The following TYW1 variants were observed in gnomAD, a reference collection of about 807,000 sequenced individuals.
The protein encoded by TYW1 is tRNA-yW synthesizing protein 1 homolog, also known as S-adenosyl-L-methionine-dependent tRNA 4-demethylwyosine synthase TYW1.
TYW1 carries 46 observed loss-of-function variants against 96.2 expected under a neutral mutation model. The ratio of observed to expected loss-of-function variants is 0.48; its 90% CI spans 0.38 to 0.61. The LOEUF is 0.61. Ranked by LOEUF, TYW1 falls within the 20% of genes least tolerant of loss-of-function variation. The probability of loss-of-function intolerance (pLI) is 0.00; values close to 1 mark genes in which losing one functional copy is unlikely to be tolerated. For missense variants in TYW1, 684 were observed against 909.6 expected (o/e 0.75, Z 3.19); for synonymous variants, 274 against 323.0 (o/e 0.85, Z 1.63).
chr7:67,210,505 C>T (rs1476365627), intron 15 of TYW1, among the ~76,000 whole-genome samples: 3 of 152,124 alleles, frequency 2.0e-5, no homozygotes, highest in Middle Eastern at 3.2e-3. Context: ...ATCCAAGGGG[C>T]GTAGTGTTAG....
At chr7:67,012,335 G>A (rs942420498) in intron 4 of TYW1, among the ~76,000 whole-genome samples, 9 of 151,892 alleles carry the variant, frequency 5.9e-5, no homozygotes, top group Non-Finnish European at 1.3e-4. Flanking sequence ...GTGACAGAGC[G>A]AGACTCTGTC....
At chr7:67,219,354 A>G (rs1227276537) in intron 15 of TYW1, among the ~76,000 whole-genome samples, 2 of 152,132 alleles carry the variant, frequency 1.3e-5, no homozygotes, top group African/African-American at 4.8e-5. Context: ...GTTTTCTTCC[A>G]GTACGATCTT....
At chr7:67,158,445 A>G (rs1471625552) in intron 13 of TYW1, among the ~76,000 whole-genome samples, 2 of 152,050 alleles carry the variant, frequency 1.3e-5, no homozygotes, top group Admixed American at 6.6e-5. Context: ...TTCATCGTCA[A>G]TTGATATGAT....
chr7:67,147,949 A>C (rs1450871293), intron 13 of TYW1, among the ~76,000 whole-genome samples: 2 of 152,058 alleles, frequency 1.3e-5, no homozygotes, highest in Non-Finnish European at 2.9e-5. Flanking sequence ...AATTTGGAAA[A>C]AAAAAAAGAA....
At chr7:67,046,760 G>A (rs1584498388) in intron 7 of TYW1, among the ~76,000 whole-genome samples, 1 of 152,224 alleles carries the variant, frequency 6.6e-6, no homozygotes, top group Admixed American at 6.5e-5. Flanking sequence ...GGACTGAGCT[G>A]CCTTAGTGGG....
intron 13 of TYW1, among the ~76,000 whole-genome samples, chr7:67,173,075 C>G (rs1799564101): frequency 1.3e-5 from 2 of 152,300 alleles, no homozygotes; most frequent in East Asian, 3.9e-4. Context: ...AATATAAACA[C>G]AATACCATTA....
In TYW1 at chr7:67,186,265, T is replaced by TCC. The variant is rs56401730; in HGVS notation, c.1809+3035_1809+3036dup. On this transcript the variant is annotated intron_variant, in intron 14 of 15. Coordinates refer to ENST00000359626, the MANE Select transcript of TYW1 (RefSeq NM_018264.4). ...CCTTTTTTTCATTTCCTTCCTTTCT[T>TCC]CCCCCCCGCCCCACCTCTCCCCCCT... 1.6e-4 allele frequency among the ~76,000 whole-genome samples: 11 copies of TCC among 68,370 alleles called. 1 individual carries two copies. Among genetic ancestry groups the TCC allele is most frequent in the South Asian group, 5.1e-4 (1 of 1,948 alleles). 44.9% of individuals were successfully genotyped at this position (68,370 alleles called of 152,430 possible).
chr7:67,157,517 A>T (rs13227223), intron 13 of TYW1, among the ~76,000 whole-genome samples: 4 of 152,204 alleles, frequency 2.6e-5, no homozygotes, highest in Non-Finnish European at 4.4e-5. Context: ...AACTCCTGAC[A>T]TCAGGTGATC....
At chr7:67,121,557 C>A (rs1330457027) in intron 13 of TYW1, among the ~76,000 whole-genome samples, 4 of 151,832 alleles carry the variant, frequency 2.6e-5, no homozygotes, top group African/African-American at 9.7e-5. Context: ...AAATATATTA[C>A]AATAAAAAAT....
At position 67,152,553 on chromosome 7, in the gene TYW1, G is replaced by A. The variant is rs568365186; in HGVS notation, c.1699-30573G>A. On this transcript the variant is annotated intron_variant, in intron 13 of 15. Coordinates refer to ENST00000359626, the MANE Select transcript of TYW1 (RefSeq NM_018264.4). ...GTTTGCACACCTAGGTTCTGTTTCC[G>A]TATTTTGAACTCAACGTGCTGCTTA... 5.3e-5 allele frequency among the ~76,000 whole-genome samples: 8 copies of A among 152,094 alleles called. No individual in the cohort carries two copies. In the South Asian group the frequency reaches 8.3e-4, roughly 16 times the overall value.
At chr7:67,215,522 G>A (rs1210006225) in intron 15 of TYW1, among the ~76,000 whole-genome samples, 1 of 152,086 alleles carries the variant, frequency 6.6e-6, no homozygotes, top group African/African-American at 2.4e-5. Flanking sequence ...CTCATTGAGA[G>A]CTCTGGCCTC....
intron 15 of TYW1, among the ~76,000 whole-genome samples, chr7:67,217,244 G>A (rs1801224848): frequency 1.3e-5 from 2 of 151,942 alleles, no homozygotes; most frequent in Admixed American, 1.3e-4. Context: ...ACTGCCTTTT[G>A]ATGCATGCCT....
intron 10 of TYW1, among the ~76,000 whole-genome samples, chr7:67,069,155 AT>A (rs528191469): frequency 1.6e-4 from 25 of 152,176 alleles, no homozygotes; most frequent in Middle Eastern, 3.4e-3. Flanking sequence ...TGATTTTGTT[AT>A]GATTATTTGG....
chr7:67,208,418 G>A (rs192313215), intron 15 of TYW1, among the ~76,000 whole-genome samples: 2,567 of 152,182 alleles, frequency 0.017, 32 homozygotes, highest in Admixed American at 0.044. Context: ...ACCATCGGGC[G>A]CGGTGGCTTA....
intron 3 of TYW1, among the ~76,000 whole-genome samples, chr7:67,000,352 G>A (rs1288449890): frequency 6.6e-6 from 1 of 152,148 alleles, no homozygotes; most frequent in African/African-American, 2.4e-5. Context: ...AGCCTGGAGT[G>A]CAGTGGTGTG....
intron 7 of TYW1, among the ~76,000 whole-genome samples, chr7:67,046,049 T>C (rs536464400): frequency 6.6e-6 from 1 of 152,000 alleles, no homozygotes; most frequent in East Asian, 1.9e-4. Context: ...TCTCCCTGAG[T>C]TAGAGGCTGG....
intron 3 of TYW1, among the ~76,000 whole-genome samples, chr7:67,006,916 G>C (rs1793612180): frequency 7.0e-6 from 1 of 142,650 alleles, no homozygotes; most frequent in Non-Finnish European, 1.5e-5. Flanking sequence ...CATGGTGAGA[G>C]AGGGAGCAAA....
In TYW1 at chr7:67,197,075, G is replaced by C. The variant is rs532862618; in HGVS notation, c.1977+1738G>C. Among the ~76,000 whole-genome samples, 3 of 152,318 alleles carry C rather than the reference G, an allele frequency of 2.0e-5. No homozygotes were observed. The East Asian group carries it at 5.8e-4, about 29-fold the overall frequency. On this transcript the variant is annotated intron_variant, in intron 15 of 15. Coordinates refer to ENST00000359626, the MANE Select transcript of TYW1 (RefSeq NM_018264.4). Reference sequence around the variant, plus strand: ...TGCGTGGAGTCAGATTGATTAGAGGGCTTTAATCTTGGCCCCTGTCTCTTT... The same window carrying C: ...TGCGTGGAGTCAGATTGATTAGAGGCCTTTAATCTTGGCCCCTGTCTCTTT...
Position 67,166,306 on chromosome 7 carries a change from T to C in TYW1, c.1699-16820T>C. Among the ~76,000 whole-genome samples, 2 of 145,400 alleles carry C rather than the reference T, an allele frequency of 1.4e-5. 1 individual carries two copies. The highest frequency in any genetic ancestry group is 3.0e-5 in the Non-Finnish European group (2 of 66,686). On this transcript the variant is annotated intron_variant, in intron 13 of 15. Coordinates refer to ENST00000359626, the MANE Select transcript of TYW1 (RefSeq NM_018264.4). ...AATTTGAATGCCTCCTCCCAGTACT[T>C]TTTATATATAATATATAACATATAT...
Sources: allele counts gnomAD v4.1 joint callset (sites outside exome capture counted in the v4.1 genomes callset), GRCh38; gene constraint gnomAD v4.1.1; transcripts MANE v1.5; gene names NCBI Gene and HGNC (gene_info 2026-07-23, HGNC 2026-07-21).